TNFRSF19: variants seen among roughly 807,000 people sequenced by gnomAD.
TNFRSF19 encodes the protein tumor necrosis factor receptor superfamily member 19.
TNFRSF19 carries 27 observed loss-of-function variants against 46.4 expected under a neutral mutation model. The ratio of observed to expected loss-of-function variants is 0.58; its 90% CI spans 0.43 to 0.80. The LOEUF is 0.80. Ranked by LOEUF, TNFRSF19 falls within the 30% of genes least tolerant of loss-of-function variation. The pLI is 0.00. For missense variants in TNFRSF19, 511 were observed against 530.8 expected (o/e 0.96, Z 0.37); for synonymous variants, 204 against 205.0 (o/e 1.00, Z 0.04).
At chr13:23,610,410 G>A (rs1304484819) in intron 3 of TNFRSF19, among the ~76,000 whole-genome samples, 1 of 152,202 alleles carries the variant, frequency 6.6e-6, no homozygotes, top group Non-Finnish European at 1.5e-5. Context: ...GAGTGACAGA[G>A]CTACAGCTTG....
At chr13:23,617,532 T>C (rs1008202436) in intron 4 of TNFRSF19, among the ~76,000 whole-genome samples, 1 of 152,154 alleles carries the variant, frequency 6.6e-6, no homozygotes, top group Admixed American at 6.5e-5. Flanking sequence ...GAGAATGGGA[T>C]GAAGCAGAAT....
At chr13:23,652,041 A>G (rs925634667) in intron 5 of TNFRSF19, among the ~76,000 whole-genome samples, 2 of 152,224 alleles carry the variant, frequency 1.3e-5, no homozygotes, top group South Asian at 4.1e-4. Flanking sequence ...TCCTTTCTGC[A>G]CAGGGTTATT....
At chr13:23,614,769 A>ATATATATAT (rs59907466) in intron 3 of TNFRSF19, among the ~76,000 whole-genome samples, 9 of 147,160 alleles carry the variant, frequency 6.1e-5, no homozygotes, top group Admixed American at 1.4e-4. Flanking sequence ...ATATATATAT[A>ATATATATAT]GTACCTGGCA....
chr13:23,611,831 G>A (rs952695310), intron 3 of TNFRSF19, among the ~76,000 whole-genome samples: 11 of 152,168 alleles, frequency 7.2e-5, no homozygotes, highest in African/African-American at 2.4e-4. Flanking sequence ...TCTGTGCCAG[G>A]ACTTGGGGTG....
chr13:23,656,233 C>T (rs755952663), intron 5 of TNFRSF19, among the ~76,000 whole-genome samples: 2 of 152,106 alleles, frequency 1.3e-5, no homozygotes, highest in Non-Finnish European at 2.9e-5. Context: ...ATTGATATTA[C>T]TGTGGCAACT....
chr13:23,657,307 G>A (rs755737272), intron 5 of TNFRSF19, among the ~76,000 whole-genome samples: 2 of 152,190 alleles, frequency 1.3e-5, no homozygotes, highest in Non-Finnish European at 2.9e-5. Context: ...CTCTGGGGCT[G>A]TAGTCTCAGG....
intron 8 of TNFRSF19, 68 bp downstream of exon 8, chr13:23,668,150 G>A (rs911063827): frequency 1.6e-5 from 21 of 1,306,124 alleles, no homozygotes; most frequent in East Asian, 2.5e-5. Context: ...CTAATTTACC[G>A]ATTTTCATCT....
At chr13:23,621,669 T>C (rs1448437838) in intron 4 of TNFRSF19, among the ~76,000 whole-genome samples, 1 of 152,158 alleles carries the variant, frequency 6.6e-6, no homozygotes, top group South Asian at 2.1e-4. Context: ...CAGTGCTATT[T>C]GGATTCAGTT....
At chr13:23,626,240 T>G (rs941511930) in intron 4 of TNFRSF19, among the ~76,000 whole-genome samples, 8 of 149,206 alleles carry the variant, frequency 5.4e-5, no homozygotes, top group African/African-American at 2.0e-4. Flanking sequence ...GTTCATCTCT[T>G]CCACTTTGAC....
At chr13:23,636,637 A>G (rs1296373705) in intron 5 of TNFRSF19, among the ~76,000 whole-genome samples, 1 of 152,120 alleles carries the variant, frequency 6.6e-6, no homozygotes, top group Non-Finnish European at 1.5e-5. Flanking sequence ...TATTAAGGTG[A>G]CCCTAGGACA....
intron 1 of TNFRSF19, among the ~76,000 whole-genome samples, chr13:23,586,553 C>T (rs1176411684): frequency 1.3e-5 from 2 of 152,186 alleles, no homozygotes; most frequent in Admixed American, 1.3e-4. Context: ...CTGCCCTTCC[C>T]CGGCAGTGCT....
intron 7 of TNFRSF19, among the ~76,000 whole-genome samples, chr13:23,664,447 T>TA (rs917563627): frequency 6.6e-6 from 1 of 152,128 alleles, no homozygotes; most frequent in African/African-American, 2.4e-5. Context: ...CCCACCACCC[T>TA]ACCACCTTAC....
chr13:23,659,345 G>A lies in TNFRSF19; in HGVS notation c.610+131G>A, dbSNP rs763740532. ...AGTTGTGAAAGAACGCAGGGCACAA[G>A]AAACACAGGTGATCCCTGAACAGCA... is the stretch of plus-strand genomic sequence containing the variant. On this transcript the variant is annotated intron_variant, in intron 6 of 9. Coordinates refer to ENST00000248484, the MANE Select transcript of TNFRSF19 (RefSeq NM_148957.4). This position sits in a 1 kb window ranked among gnomAD's most constrained non-coding sequence, Gnocchi z 4.9. 1 of 976,930 alleles carries A rather than the reference G, an allele frequency of 1.0e-6. No homozygotes were observed. Among genetic ancestry groups the A allele is most frequent in the Admixed American group, 2.7e-5 (1 of 37,454 alleles). The allele number at this position is 976,930 out of a possible 1,614,324, so 60.5% of individuals were successfully genotyped here.
intron 7 of TNFRSF19, among the ~76,000 whole-genome samples, chr13:23,667,390 G>A (rs1593303011): frequency 6.6e-6 from 1 of 152,092 alleles, no homozygotes; most frequent in East Asian, 1.9e-4. Context: ...GAAATGGTGT[G>A]TCTGTGTATA....
At chr13:23,652,911 C>G (rs1295712315) in intron 5 of TNFRSF19, among the ~76,000 whole-genome samples, 1 of 152,276 alleles carries the variant, frequency 6.6e-6, no homozygotes, top group Non-Finnish European at 1.5e-5. Context: ...AAAATACAAG[C>G]AAAACTCCCT....
Position 23,660,388 on chromosome 13 carries a change from C to G in TNFRSF19, c.634C>G (p.Gln212Glu), listed in dbSNP as rs752549948. ...AGGGTCTCTGCGGTCACAGGACATT[C>G]AGTACAACGGCTCTGAGCTGTCGTG... ...PSWSLRSQDI[Q>E]YNGSELSCFD... Residue 212 changes from glutamine to glutamate, a missense_variant, in exon 7 of 10, where the codon CAG becomes GAG. Gln to Glu is a conservative substitution (Grantham distance 29). Transcript: ENST00000248484. 1.2e-6 allele frequency: 2 copies of G among 1,613,906 alleles called. No homozygotes were observed. Among genetic ancestry groups the G allele is most frequent in the East Asian group, 4.5e-5 (2 of 44,864 alleles).
intron 3 of TNFRSF19, among the ~76,000 whole-genome samples, chr13:23,602,379 G>T (rs1287922227): frequency 6.6e-6 from 1 of 152,066 alleles, no homozygotes; most frequent in Non-Finnish European, 1.5e-5. Flanking sequence ...GACAAAAACT[G>T]ATAGAACTAC....
chr13:23,624,191 A>G (rs1566192967), intron 4 of TNFRSF19, among the ~76,000 whole-genome samples: 1 of 152,282 alleles, frequency 6.6e-6, no homozygotes, highest in East Asian at 1.9e-4. Context: ...CATTGACCAT[A>G]TACATGACGG....
Position 23,674,417 on chromosome 13 carries a change from T to A in TNFRSF19, c.*1037T>A, listed in dbSNP as rs377322055. ...TGTAGGGGTTTGGATGAAGCAGCTG[T>A]AACTGCCCTAGTGTAGTTTGACCAG... is the stretch of plus-strand genomic sequence containing the variant. On this transcript the variant is annotated 3_prime_UTR_variant, in exon 10 of 10. Transcript: ENST00000248484. The A allele has an allele frequency of 1.3e-5, 2 of 152,354 alleles. No homozygotes were observed. Among genetic ancestry groups the A allele is most frequent in the East Asian group, 3.9e-4 (2 of 5,192 alleles). 9.4% of individuals were successfully genotyped at this position (152,354 alleles called of 1,614,324 possible).
Sources: gnomAD v4.1 joint callset for allele counts (sites outside exome capture counted in the v4.1 genomes callset) on GRCh38, gnomAD v4.1.1 for gene constraint, Gnocchi (gnomAD v3.1) non-coding constraint, MANE v1.5 for transcripts, NCBI Gene and HGNC (gene_info 2026-07-23, HGNC 2026-07-21) for gene names.